ZNF219: variants seen among roughly 807,000 people sequenced by gnomAD.
The protein encoded by ZNF219 is zinc finger protein 219.
ZNF219 carries 17 observed loss-of-function variants against 54.4 expected under a neutral mutation model. That is an observed-to-expected ratio of 0.31 (90% CI 0.21 to 0.47). The LOEUF is 0.47. Ranked by LOEUF, ZNF219 falls within the 20% of genes least tolerant of loss-of-function variation. The probability of loss-of-function intolerance (pLI) is 1.00; values close to 1 mark genes in which losing one functional copy is unlikely to be tolerated. For missense variants in ZNF219, 1,014 were observed against 1,062.3 expected, an observed-to-expected ratio of 0.95 and a Z score of 0.63; for synonymous variants, 518 against 476.4, an observed-to-expected ratio of 1.09 and a Z score of -1.14.
chr14:21,092,775 G>A lies in ZNF219; in HGVS notation c.522C>T (p.Thr174=), dbSNP rs1353305286. The A allele has an allele frequency of 3.8e-6, 6 of 1,582,142 alleles. No individual in the cohort carries two copies. The highest frequency in any genetic ancestry group is 2.3e-5 in the East Asian group (1 of 44,440). The part of the protein sequence containing the change: ...RCPYCKGKFR[T]SAERERHLHI... ...GCAGGTGGCGTTCGCGCTCCGCCGA[G>A]GTGCGAAACTTGCCTTTGCAGTAGG... Residue 174 remains threonine (T), a synonymous_variant, in exon 3 of 5, where the codon ACC becomes ACT. Coordinates refer to ENST00000360947, the MANE Select transcript of ZNF219 (RefSeq NM_016423.3).
upstream of ZNF219, among the ~76,000 whole-genome samples, chr14:21,099,773 T>C (rs530247469): frequency 2.0e-5 from 3 of 152,222 alleles, no homozygotes; most frequent in Non-Finnish European, 2.9e-5. Context: ...CTTCCTTTTA[T>C]AGATAAGGGA....
At chr14:21,098,024 C>T (rs1426668678) in intron 1 of ZNF219, among the ~76,000 whole-genome samples, 2 of 148,874 alleles carry the variant, frequency 1.3e-5, no homozygotes, top group Non-Finnish European at 3.0e-5. Flanking sequence ...CCCCGTTGGC[C>T]CTTCCCTTTG....
At position 21,092,027 on chromosome 14, in the gene ZNF219, C is replaced by G. The variant is rs1888934734; in HGVS notation, c.1270G>C (p.Glu424Gln). 1.3e-6 allele frequency: 2 copies of G among 1,550,498 alleles called. No individual in the cohort carries two copies. Among genetic ancestry groups the G allele is most frequent in the Admixed American group, 2.0e-5 (1 of 50,980 alleles). Reference sequence around the variant, plus strand: ...ACCTCCTCTTCTTCCTCAGGCTCCTCCGCACGGTGCCGGCGAGCCCGGGCC... The same window carrying G: ...ACCTCCTCTTCTTCCTCAGGCTCCTGCGCACGGTGCCGGCGAGCCCGGGCC... ...LPARARRHRAEEPEEEEEVVE... is the reference protein window; with the variant it reads ...LPARARRHRAQEPEEEEEVVE... The change falls in exon 3 of 5, where the codon GAG becomes CAG. Residue 424 changes from glutamate to glutamine, a missense_variant. This residue lies in a region of ZNF219 where 272 missense variants were observed against 248.9 expected (regional missense o/e 1.09). Transcript: ENST00000360947.
At position 21,090,399 on chromosome 14, in the gene ZNF219, G is replaced by T. The variant is rs6571653; in HGVS notation, c.*137C>A. On this transcript the variant is annotated 3_prime_UTR_variant, in exon 5 of 5. Coordinates refer to ENST00000360947, the MANE Select transcript of ZNF219 (RefSeq NM_016423.3). The surrounding 1 kb of genome is among the most constrained non-coding windows in gnomAD (Gnocchi z 4.4). ...CAGCCCACCCTCCTACGCCCGCCGC[G>T]CCTTCCACCTCTGGTCCGCCTGGGG... 8.2e-7 allele frequency: 1 copy of T among 1,223,318 alleles called. No homozygotes were observed. Among genetic ancestry groups the T allele is most frequent in the Non-Finnish European group, 1.1e-6 (1 of 891,456 alleles). The allele number at this position is 1,223,318 out of a possible 1,614,324, so 75.8% of individuals were successfully genotyped here. A position where few individuals can be genotyped will look rare whatever the true frequency, so the allele number is the denominator to read the frequency against.
rs1047852431 is a variant in ZNF219, at chr14:21,090,806, T to C, written c.1899A>G (p.Ala633=). Residue 633 remains alanine, a synonymous_variant, in exon 5 of 5, where the codon GCA becomes GCG. Coordinates refer to ENST00000360947, the MANE Select transcript of ZNF219 (RefSeq NM_016423.3). The surrounding 1 kb of genome is among the most constrained non-coding windows in gnomAD (Gnocchi z 4.4). Reference sequence around the variant, plus strand: ...CAGGCCCGGCCTCGCCTCCCGGCCCTGCCCGCAAGGACAGGTCCAGGGGTT... The same window carrying C: ...CAGGCCCGGCCTCGCCTCCCGGCCCCGCCCGCAAGGACAGGTCCAGGGGTT... ...EAEPLDLSLR[A]GPGGEAGPGG... The C allele has an allele frequency of 8.3e-6, 13 of 1,570,650 alleles. No homozygotes were observed. Among genetic ancestry groups the C allele is most frequent in the Non-Finnish European group, 1.1e-5 (13 of 1,158,600 alleles).
chr14:21,090,554 C>G lies in ZNF219; in HGVS notation c.2151G>C (p.Leu717=), dbSNP rs771677594. 4.5e-5 allele frequency: 72 copies of G among 1,598,972 alleles called. No homozygotes were observed. In the Middle Eastern group the frequency reaches 9.9e-4, roughly 22 times the overall value. ...SGLSRPGEAG[L]GGQER The stretch of plus-strand genomic sequence containing the variant: ...GGGCCCACTACCGTTCTTGCCCCCC[C>G]AGCCCTGCCTCTCCGGGTCTGGACA... The change falls in exon 5 of 5, where the codon CTG becomes CTC. Residue 717 remains leucine, a synonymous_variant. Coordinates refer to ENST00000360947, the MANE Select transcript of ZNF219 (RefSeq NM_016423.3). The surrounding 1 kb of genome is among the most constrained non-coding windows in gnomAD (Gnocchi z 4.4).
upstream of ZNF219, chr14:21,101,518 C>A: frequency 7.1e-7 from 1 of 1,410,064 alleles, no homozygotes; most frequent in Admixed American, 2.0e-5. Context: ...TTCCATCCAT[C>A]CATCCATCCA....
chr14:21,103,397 A>C (rs150024369), upstream of ZNF219: 12,072 of 1,341,336 alleles, frequency 9.0e-3, 82 homozygotes, highest in South Asian at 0.019. Context: ...CTTCCCTGTT[A>C]GGGGAAGATA....
At position 21,098,357 on chromosome 14, in the gene ZNF219, G is replaced by T; in HGVS notation, c.-129C>A. The T allele has an allele frequency of 2.7e-6, 1 of 374,122 alleles. No individual in the cohort carries two copies. The highest frequency in any genetic ancestry group is 9.9e-5 in the South Asian group (1 of 10,054). 23.2% of individuals were successfully genotyped at this position (374,122 alleles called of 1,614,324 possible). A position where few individuals can be genotyped will look rare whatever the true frequency, so the allele number is the denominator to read the frequency against. On this transcript the variant is annotated 5_prime_UTR_variant, in exon 1 of 5. Coordinates refer to ENST00000360947, the MANE Select transcript of ZNF219 (RefSeq NM_016423.3). ...CGGAGCGGGCGGCGGCGGCGGCGGC[G>T]GCGGCGGGCGGCGGGCCGGCGGCGC... is the stretch of plus-strand genomic sequence containing the variant.
rs1193460446 is a variant in ZNF219, at chr14:21,092,004, C to G, written c.1293G>C (p.Glu431Asp). Residue 431 changes from glutamate to aspartate, a missense_variant, in exon 3 of 5, where the codon GAG (glutamate) becomes GAC (aspartate). By Grantham distance (45) the Glu-to-Asp change is conservative. This residue lies in a region of ZNF219 where 272 missense variants were observed against 248.9 expected (regional missense o/e 1.09). Transcript: ENST00000360947. ...HRAEEPEEEE[E>D]VVEAEEETWA... Reference sequence around the variant, plus strand: ...AGGTTTCCTCCTCGGCCTCCACCACCTCCTCTTCTTCCTCAGGCTCCTCCG... The same window carrying G: ...AGGTTTCCTCCTCGGCCTCCACCACGTCCTCTTCTTCCTCAGGCTCCTCCG... 6.4e-7 allele frequency: 1 copy of G among 1,556,962 alleles called. No homozygotes were observed. Among genetic ancestry groups the G allele is most frequent in the Admixed American group, 1.9e-5 (1 of 51,558 alleles).
Position 21,098,495 on chromosome 14 carries a change from G to A in ZNF219, c.-267C>T. The A allele has an allele frequency of 1.0e-6, 1 of 982,840 alleles. No individual in the cohort carries two copies. The highest frequency in any genetic ancestry group is 1.2e-6 in the Non-Finnish European group (1 of 828,718). The allele number at this position is 982,840 out of a possible 1,614,324, so 60.9% of individuals were successfully genotyped here. ...CCCGCCCCCGGCCCTGGCCCGCATT[G>A]TGTGCGGCGGGAGGCGGCCCGGCCA... On this transcript the variant is annotated 5_prime_UTR_variant, in exon 1 of 5. Coordinates refer to ENST00000360947, the MANE Select transcript of ZNF219 (RefSeq NM_016423.3).
At chr14:21,099,674 T>C (rs1889516099), upstream of ZNF219, among the ~76,000 whole-genome samples, 1 of 152,224 alleles carries the variant, frequency 6.6e-6, no homozygotes, top group Non-Finnish European at 1.5e-5. Flanking sequence ...ATGATGATCA[T>C]AGCCACTAAC....
At position 21,091,937 on chromosome 14, in the gene ZNF219, G is replaced by A. The variant is rs769941974; in HGVS notation, c.1360C>T (p.Pro454Ser). 7 of 1,604,646 alleles carry A rather than the reference G, an allele frequency of 4.4e-6. No homozygotes were observed. The highest frequency in any genetic ancestry group is 2.7e-5 in the African/African-American group (2 of 74,730). The change falls in exon 3 of 5, where the codon CCG becomes TCG. Residue 454 changes from proline to serine, a missense_variant. Pro to Ser is a moderately conservative substitution (Grantham distance 74). Around this residue, in one of 5 missense-constraint regions of ZNF219, gnomAD observed 272 missense variants for 248.9 expected, o/e 1.09. Coordinates refer to ENST00000360947, the MANE Select transcript of ZNF219 (RefSeq NM_016423.3). ...TGCCCCGGTCCCTCACCCGGGCGCGGGTGCAGGGAAGCCAGAGAGCCCAGC... is the reference window on the plus strand; with the variant it reads ...TGCCCCGGTCCCTCACCCGGGCGCGAGTGCAGGGAAGCCAGAGAGCCCAGC... ...RSLGSLASLH[P>S]RPGEGPGHSA...
At chr14:21,098,968 A>G (rs1889480054), upstream of ZNF219, 1 of 638,332 alleles carries the variant, frequency 1.6e-6, no homozygotes, top group South Asian at 2.0e-5. Flanking sequence ...TGTCGGCCGT[A>G]TAAGAAACAT....
At position 21,092,331 on chromosome 14, in the gene ZNF219, CT is replaced by C; in HGVS notation, c.965del (p.Lys322ArgfsTer61). 1 of 1,569,884 alleles carries C rather than the reference CT, an allele frequency of 6.4e-7. No individual in the cohort carries two copies. ...KEPWFLKNHMKVHASKLGPLR... is the reference protein window; with the variant it reads ...KEPWFLKNHMXVHASKLGPLR... The stretch of plus-strand genomic sequence containing the variant: ...GTGGGCCCAGCTTGCTGGCGTGCAC[CT>C]TCATGTGGTTCTTAAGGAACCAGGG... On this transcript the variant is annotated frameshift_variant, in exon 3 of 5. Coordinates refer to ENST00000360947, the MANE Select transcript of ZNF219 (RefSeq NM_016423.3). LOFTEE classifies it high-confidence loss of function.
upstream of ZNF219, chr14:21,103,833 G>A (rs936491803): frequency 1.3e-5 from 2 of 155,690 alleles, no homozygotes; most frequent in African/African-American, 4.8e-5. Context: ...AGCCGGGCGG[G>A]CGGTCCTGCA....
At position 21,092,853 on chromosome 14, in the gene ZNF219, G is replaced by A; in HGVS notation, c.444C>T (p.Ala148=). 6.4e-7 allele frequency: 1 copy of A among 1,559,892 alleles called. No homozygotes were observed. The highest frequency in any genetic ancestry group is 8.7e-7 in the Non-Finnish European group (1 of 1,153,504). ...RSSGGMQATP[A]TEGLARPQAP... ...CCTGGGGCCGCGCCAGACCCTCAGT[G>A]GCAGGGGTGGCCTGCATGCCCCCTG... The change falls in exon 3 of 5, where the codon GCC becomes GCT. Residue 148 remains alanine (A), a synonymous_variant. Transcript: ENST00000360947.
chr14:21,090,159 A>C lies in ZNF219; in HGVS notation c.*377T>G. ...AATCGTACCAAAAATAGCGACGTCT[A>C]CAGGGCCCCTGATGGGGCTAGAAGG... On this transcript the variant is annotated 3_prime_UTR_variant, in exon 5 of 5. Transcript: ENST00000360947. This position sits in a 1 kb window ranked among gnomAD's most constrained non-coding sequence, Gnocchi z 4.4. 1 of 494,742 alleles carries C rather than the reference A, an allele frequency of 2.0e-6. No individual in the cohort carries two copies. 30.6% of individuals were successfully genotyped at this position (494,742 alleles called of 1,614,324 possible). A position where few individuals can be genotyped will look rare whatever the true frequency, so the allele number is the denominator to read the frequency against.
chr14:21,094,173 C>G (rs960864935), intron 1 of ZNF219, among the ~76,000 whole-genome samples: 5 of 152,192 alleles, frequency 3.3e-5, no homozygotes, highest in African/African-American at 9.7e-5. Flanking sequence ...TCCCTCCCTC[C>G]GCCTGGATTC....
Sources: allele counts gnomAD v4.1 joint callset (sites outside exome capture counted in the v4.1 genomes callset), GRCh38; gene constraint gnomAD v4.1.1; regional missense constraint gnomAD v4.1.1; non-coding constraint Gnocchi (gnomAD v3.1); transcripts MANE v1.5; gene names NCBI Gene and HGNC (gene_info 2026-07-23, HGNC 2026-07-21).